The following MYO5B variants were observed in gnomAD, a reference collection of about 807,000 sequenced individuals.
MYO5B encodes the protein unconventional myosin-Vb.
In MYO5B, 143 loss-of-function variants were observed where a neutral mutation model predicts 229.3. That is an observed-to-expected ratio of 0.62 (90% CI 0.54 to 0.72). The LOEUF is 0.72. Ranked by LOEUF, MYO5B falls within the 30% of genes least tolerant of loss-of-function variation. The pLI is 0.00. For synonymous variants in MYO5B, 918 were observed against 885.2 expected (o/e 1.04, Z -0.66); for missense variants, 2,321 against 2,331.0 (o/e 1.00, Z 0.09).
At chr18:49,937,601 C>T (rs1411251433) in intron 14 of MYO5B, among the ~76,000 whole-genome samples, 1 of 152,150 alleles carries the variant, frequency 6.6e-6, no homozygotes, top group Admixed American at 6.6e-5. Flanking sequence ...AATGGACAAA[C>T]AAATGTGGTA....
chr18:49,883,380 A>G (rs1436260937), intron 22 of MYO5B, among the ~76,000 whole-genome samples: 1 of 152,248 alleles, frequency 6.6e-6, no homozygotes, highest in African/African-American at 2.4e-5. Flanking sequence ...ATAAATTAAG[A>G]AAACGATTCC....
At chr18:50,004,007 G>A (rs1030197058) in intron 4 of MYO5B, among the ~76,000 whole-genome samples, 5 of 152,094 alleles carry the variant, frequency 3.3e-5, no homozygotes, top group African/African-American at 9.7e-5. Context: ...GGTTACACTC[G>A]GCAAAGACAG....
At chr18:49,882,428 G>A (rs1568624795) in intron 22 of MYO5B, among the ~76,000 whole-genome samples, 1 of 151,990 alleles carries the variant, frequency 6.6e-6, no homozygotes, top group Non-Finnish European at 1.5e-5. Flanking sequence ...AGGAGATCGA[G>A]ATGATCCTGG....
At chr18:50,121,060 C>T (rs1182454331) in intron 1 of MYO5B, among the ~76,000 whole-genome samples, 1 of 152,204 alleles carries the variant, frequency 6.6e-6, no homozygotes, top group Non-Finnish European at 1.5e-5. Context: ...ACCCCACTCC[C>T]ATATCTGAGA....
At chr18:50,173,990 G>A (rs1035661869) in intron 1 of MYO5B, among the ~76,000 whole-genome samples, 5 of 152,108 alleles carry the variant, frequency 3.3e-5, no homozygotes, top group African/African-American at 1.2e-4. Context: ...GAATCAGACT[G>A]AGTACAGAAG....
intron 4 of MYO5B, among the ~76,000 whole-genome samples, chr18:50,016,529 C>T (rs1471602494): frequency 6.6e-6 from 1 of 152,156 alleles, no homozygotes; most frequent in Non-Finnish European, 1.5e-5. Flanking sequence ...CTGCCCTTGT[C>T]CCAACTGTCA....
At chr18:50,157,260 C>T (rs2032695280) in intron 1 of MYO5B, among the ~76,000 whole-genome samples, 1 of 152,078 alleles carries the variant, frequency 6.6e-6, no homozygotes, top group Non-Finnish European at 1.5e-5. Flanking sequence ...TGCCTGCCAC[C>T]ATGCCCAGCT....
intron 1 of MYO5B, among the ~76,000 whole-genome samples, chr18:50,105,349 G>A (rs1330361866): frequency 1.3e-5 from 2 of 152,164 alleles, no homozygotes; most frequent in African/African-American, 4.8e-5. Flanking sequence ...TCAGAGTGAT[G>A]TGAAAGCCAG....
rs138943096 is a variant in MYO5B, at chr18:50,153,514, G to A, written c.27+41253C>T. On this transcript the variant is annotated intron_variant, in intron 1 of 39. Transcript: ENST00000285039. ...TCACCAGGCTGGAGTGCAGTGGCAC[G>A]ATATCGGTTCACTGCAGCCTCCGCC... 2.7e-3 allele frequency among the ~76,000 whole-genome samples: 410 copies of A among 152,246 alleles called. 1 individual carries two copies. The highest frequency in any genetic ancestry group is 9.6e-3 in the African/African-American group (399 of 41,552).
chr18:50,134,446 T>G (rs2032303113), intron 1 of MYO5B, among the ~76,000 whole-genome samples: 3 of 151,776 alleles, frequency 2.0e-5, no homozygotes, highest in Admixed American at 2.0e-4. Flanking sequence ...TCCCAGCTAC[T>G]CGGGAGGCTG....
chr18:49,834,829 C>T (rs887480485), intron 39 of MYO5B, among the ~76,000 whole-genome samples: 5 of 151,920 alleles, frequency 3.3e-5, no homozygotes, highest in South Asian at 4.2e-4. Context: ...TAGTAGAGAC[C>T]GGGTTTCACC....
intron 1 of MYO5B, among the ~76,000 whole-genome samples, chr18:50,174,324 C>G (rs1360239218): frequency 1.3e-5 from 2 of 152,146 alleles, no homozygotes; most frequent in African/African-American, 4.8e-5. Context: ...GCGAGTATCA[C>G]AGGGGATGGT....
intron 27 of MYO5B, among the ~76,000 whole-genome samples, chr18:49,864,929 C>A (rs1414280822): frequency 2.0e-5 from 3 of 152,242 alleles, no homozygotes; most frequent in Non-Finnish European, 4.4e-5. Context: ...AAGCCACCAA[C>A]TGTCCCTGTC....
chr18:49,840,513 G>T (rs571658966), intron 35 of MYO5B: 1 of 152,344 alleles, frequency 6.6e-6, no homozygotes, highest in Non-Finnish European at 1.5e-5. Flanking sequence ...ATGGAATAAA[G>T]CTTTAAAAAT....
At chr18:50,095,173 C>T (rs540123342) in intron 1 of MYO5B, among the ~76,000 whole-genome samples, 25 of 152,206 alleles carry the variant, frequency 1.6e-4, no homozygotes, top group Admixed American at 1.5e-3. Flanking sequence ...CACAGAGTAT[C>T]CCCTCACCAA....
At position 50,026,555 on chromosome 18, in the gene MYO5B, T is replaced by C. The variant is rs545048131; in HGVS notation, c.455+10295A>G. On this transcript the variant is annotated intron_variant, in intron 4 of 39. Coordinates refer to ENST00000285039, the MANE Select transcript of MYO5B (RefSeq NM_001080467.3). Reference sequence around the variant, plus strand: ...GTCCAAAAGAATTTCACTGAGCACATAGAACTGGCTATCCTTATACTGTTC... The same window carrying C: ...GTCCAAAAGAATTTCACTGAGCACACAGAACTGGCTATCCTTATACTGTTC... 5.3e-5 allele frequency among the ~76,000 whole-genome samples: 8 copies of C among 152,366 alleles called. No individual in the cohort carries two copies. In the South Asian group the frequency reaches 1.7e-3, roughly 32 times the overall value.
In MYO5B at chr18:49,902,779, C is replaced by T; in HGVS notation, c.2626G>A (p.Ala876Thr). The T allele has an allele frequency of 1.2e-6, 2 of 1,604,028 alleles. No homozygotes were observed. Among genetic ancestry groups the T allele is most frequent in the South Asian group, 1.1e-5 (1 of 91,078 alleles). The stretch of plus-strand genomic sequence containing the variant: ...CGCAGCCGCTGGAAGTGCCTGCGTG[C>T]CATCCAGCCCCGCACGTGCTTCTGG... ...TIQKHVRGWM[A>T]RRHFQRLRDA... The change falls in exon 21 of 40, where the codon GCA (alanine) becomes ACA (threonine). Residue 876 changes from alanine to threonine, a missense_variant. Ala to Thr is a moderately conservative substitution (Grantham distance 58). Transcript: ENST00000285039.
intron 1 of MYO5B, among the ~76,000 whole-genome samples, chr18:50,087,773 T>C (rs2031363209): frequency 6.6e-6 from 1 of 151,928 alleles, no homozygotes; most frequent in Non-Finnish European, 1.5e-5. Flanking sequence ...AGGTTGCCAG[T>C]TTTGATTGAT....
chr18:50,166,417 C>G (rs1394877212), intron 1 of MYO5B, among the ~76,000 whole-genome samples: 5 of 152,200 alleles, frequency 3.3e-5, no homozygotes. Context: ...AGCAAATTTG[C>G]TAACTCTTCT....
Sources: gnomAD v4.1 joint callset for allele counts (sites outside exome capture counted in the v4.1 genomes callset) on GRCh38, gnomAD v4.1.1 for gene constraint, MANE v1.5 for transcripts, NCBI Gene and HGNC (gene_info 2026-07-23, HGNC 2026-07-21) for gene names.